Variants in ULK4 observed in about 807,000 individuals in gnomAD.
ULK4 encodes the protein inactive serine/threonine-protein kinase ULK4.
Under a neutral mutation model 160.6 loss-of-function variants are expected in ULK4, and 133 were observed. The observed-to-expected ratio is 0.83, with a 90% confidence interval of 0.72 to 0.96. The LOEUF is 0.96. Among genes scored for constraint, ULK4 ranks in the 40% least tolerant of loss-of-function variants. ULK4 has a pLI of 0.00. For synonymous variants in ULK4, 534 were observed against 539.8 expected (o/e 0.99, Z 0.15); for missense variants, 1,580 against 1,499.5 (o/e 1.05, Z -0.89).
chr3:41,906,325 G>C (rs1193733954), intron 12 of ULK4, among the ~76,000 whole-genome samples: 1 of 151,814 alleles, frequency 6.6e-6, no homozygotes, highest in African/African-American at 2.4e-5. Context: ...AGGAGTTTGA[G>C]ACCAGCTTAC....
intron 27 of ULK4, among the ~76,000 whole-genome samples, chr3:41,689,922 C>A (rs2036229573): frequency 1.3e-5 from 2 of 148,606 alleles, no homozygotes; most frequent in South Asian, 4.3e-4. Flanking sequence ...ACCATTTGAC[C>A]CAGCCATCCC....
intron 31 of ULK4, among the ~76,000 whole-genome samples, chr3:41,607,399 G>A (rs372937656): frequency 6.6e-6 from 1 of 152,176 alleles, no homozygotes; most frequent in East Asian, 1.9e-4. Context: ...CAAAAACAAT[G>A]ATAAATTTGA....
At chr3:41,868,514 G>C (rs1038691361) in intron 17 of ULK4, among the ~76,000 whole-genome samples, 1 of 152,138 alleles carries the variant, frequency 6.6e-6, no homozygotes, top group Admixed American at 6.6e-5. Context: ...TTGAGACGGA[G>C]TCTCACTCTG....
intron 32 of ULK4, among the ~76,000 whole-genome samples, chr3:41,564,111 G>A (rs543850908): frequency 8.7e-4 from 132 of 152,232 alleles, no homozygotes; most frequent in African/African-American, 2.8e-3. Flanking sequence ...CCTTCTTACA[G>A]TCAGGTCCCT....
intron 25 of ULK4, among the ~76,000 whole-genome samples, chr3:41,708,578 G>T (rs948288061): frequency 1.3e-5 from 2 of 151,748 alleles, no homozygotes; most frequent in African/African-American, 4.8e-5. Context: ...AGGGAATAAG[G>T]TATCAAGAGA....
chr3:41,930,088 T>C (rs927474329), intron 5 of ULK4, among the ~76,000 whole-genome samples: 16 of 152,100 alleles, frequency 1.1e-4, no homozygotes, highest in Admixed American at 5.2e-4. Context: ...CCTCAAACTA[T>C]ACTACAAGGC....
At chr3:41,620,784 A>G (rs886348221) in intron 30 of ULK4, among the ~76,000 whole-genome samples, 3 of 152,186 alleles carry the variant, frequency 2.0e-5, no homozygotes, top group Non-Finnish European at 2.9e-5. Context: ...GGCAAGAGAA[A>G]GAAATAAAGG....
intron 32 of ULK4, among the ~76,000 whole-genome samples, chr3:41,548,525 G>A (rs1022045175): frequency 6.6e-6 from 1 of 152,110 alleles, no homozygotes; most frequent in African/African-American, 2.4e-5. Context: ...CCACATGGGG[G>A]CATGGAGACT....
chr3:41,828,216 A>G (rs868326012), intron 18 of ULK4, among the ~76,000 whole-genome samples: 2,601 of 136,696 alleles, frequency 0.019, 310 homozygotes, highest in African/African-American at 0.065. Context: ...AAAACTGGAA[A>G]CATTCCCTTT....
At chr3:41,657,878 T>C (rs2035003419) in intron 30 of ULK4, among the ~76,000 whole-genome samples, 1 of 145,554 alleles carries the variant, frequency 6.9e-6, no homozygotes, top group Admixed American at 6.9e-5. Context: ...ATCTCTAAAG[T>C]TAATGAGTTG....
At chr3:41,479,787 A>G (rs560191582) in intron 32 of ULK4, among the ~76,000 whole-genome samples, 1 of 152,266 alleles carries the variant, frequency 6.6e-6, no homozygotes, top group African/African-American at 2.4e-5. Context: ...TATGGCAACA[A>G]TTTCTCCCAT....
intron 22 of ULK4, among the ~76,000 whole-genome samples, chr3:41,729,363 G>C (rs1209048969): frequency 6.6e-6 from 1 of 152,200 alleles, no homozygotes; most frequent in African/African-American, 2.4e-5. Flanking sequence ...GAAGCTACCA[G>C]GAGTTCACGT....
chr3:41,505,118 A>T (rs796303563), intron 32 of ULK4, among the ~76,000 whole-genome samples: 2 of 152,322 alleles, frequency 1.3e-5, no homozygotes, highest in African/African-American at 4.8e-5. Flanking sequence ...CTGCATATAT[A>T]AACAGACATT....
At chr3:41,890,763 AGGGACG>A in intron 16 of ULK4, among the ~76,000 whole-genome samples, 1 of 16,508 alleles carries the variant, frequency 6.1e-5, no homozygotes, top group African/African-American at 2.2e-4. Flanking sequence ...GAGGGACGGG[AGGGACG>A]GGAGGGACAG....
rs869213835 is a variant in ULK4, at chr3:41,809,188, C to CA, written c.1849-8896dup. 6.9e-3 allele frequency among the ~76,000 whole-genome samples: 887 copies of CA among 128,130 alleles called. 11 individuals are homozygous for CA. The highest frequency in any genetic ancestry group is 0.028 in the Middle Eastern group (7 of 250). 84.1% of individuals were successfully genotyped at this position (128,130 alleles called of 152,430 possible). ...CTCAAAAAAAAAACAAAAAAAAAAA[C>CA]AAAAAAAAACAAAAAAGAATTTGGT... is the stretch of plus-strand genomic sequence containing the variant. On this transcript the variant is annotated intron_variant, in intron 19 of 36. Coordinates refer to ENST00000301831, the MANE Select transcript of ULK4 (RefSeq NM_017886.4).
At chr3:41,272,422 A>G (rs1354945680) in intron 35 of ULK4, among the ~76,000 whole-genome samples, 2 of 149,600 alleles carry the variant, frequency 1.3e-5, no homozygotes, top group African/African-American at 4.9e-5. Context: ...CCCGCTTTCA[A>G]TAAAGACGTT....
Position 41,689,025 on chromosome 3 carries a change from T to G in ULK4, c.2782-7221A>C, listed in dbSNP as rs1490582818. ...TGTACTCTTCCAACTTAGGGCCGACTAGAGAAAGCCAAAAATGTTCCCCGA... is the reference window on the plus strand; with the variant it reads ...TGTACTCTTCCAACTTAGGGCCGACGAGAGAAAGCCAAAAATGTTCCCCGA... On this transcript the variant is annotated intron_variant, in intron 27 of 36. Coordinates refer to ENST00000301831, the MANE Select transcript of ULK4 (RefSeq NM_017886.4). Among the ~76,000 whole-genome samples, 3 of 152,224 alleles carry G rather than the reference T, an allele frequency of 2.0e-5. No homozygotes were observed. In the East Asian group the frequency reaches 5.8e-4, roughly 29 times the overall value.
intron 32 of ULK4, among the ~76,000 whole-genome samples, chr3:41,509,459 TAAG>T (rs1159549581): frequency 1.3e-5 from 2 of 152,032 alleles, no homozygotes; most frequent in African/African-American, 2.4e-5. Context: ...CATCCAAATA[TAAG>T]AAGCTCAAAG....
intron 30 of ULK4, among the ~76,000 whole-genome samples, chr3:41,639,969 T>C (rs926596967): frequency 6.6e-6 from 1 of 152,206 alleles, no homozygotes; most frequent in Non-Finnish European, 1.5e-5. Flanking sequence ...CAAAGTAGAC[T>C]GACTGCTTTG....
Sources: allele counts gnomAD v4.1 joint callset (sites outside exome capture counted in the v4.1 genomes callset), GRCh38; gene constraint gnomAD v4.1.1; transcripts MANE v1.5; gene names NCBI Gene and HGNC (gene_info 2026-07-23, HGNC 2026-07-21).